NEK11: variants seen among roughly 807,000 people sequenced by gnomAD.
NEK11 encodes the protein NIMA related kinase 11, also known as serine/threonine-protein kinase Nek11.
A neutral mutation model predicts 80.7 loss-of-function variants in NEK11; 72 were observed. That is an observed-to-expected ratio of 0.89 (90% CI 0.74 to 1.08). NEK11 has a LOEUF of 1.08. Among genes scored for constraint, NEK11 ranks in the 50% least tolerant of loss-of-function variants. NEK11 has a pLI of 0.00. For synonymous variants in NEK11, 251 were observed against 260.7 expected, an observed-to-expected ratio of 0.96 and a Z score of 0.36; for missense variants, 764 against 763.6, an observed-to-expected ratio of 1.00 and a Z score of -0.01.
At chr3:131,234,463 T>A (rs752227775) in intron 15 of NEK11, among the ~76,000 whole-genome samples, 1 of 152,246 alleles carries the variant, frequency 6.6e-6, no homozygotes, top group Non-Finnish European at 1.5e-5. Context: ...CGATCATTTT[T>A]CCATTAGCAT....
intron 10 of NEK11, among the ~76,000 whole-genome samples, chr3:131,158,734 C>T (rs2149891294): frequency 6.6e-6 from 1 of 152,334 alleles, no homozygotes; most frequent in African/African-American, 2.4e-5. Context: ...GGGAGACAGG[C>T]ACCCTGACAC....
intron 5 of NEK11, among the ~76,000 whole-genome samples, chr3:131,122,326 T>C (rs2149478858): frequency 6.6e-6 from 1 of 152,332 alleles, no homozygotes; most frequent in South Asian, 2.1e-4. Context: ...CCTCACTTCT[T>C]GAGGATATCC....
chr3:131,226,412 A>T (rs918120115), intron 14 of NEK11, among the ~76,000 whole-genome samples: 4 of 152,134 alleles, frequency 2.6e-5, no homozygotes, highest in African/African-American at 9.7e-5. Context: ...AATTGCAAGG[A>T]TATGGAACCA....
chr3:131,221,742 G>A (rs2095033600), intron 14 of NEK11, among the ~76,000 whole-genome samples: 1 of 152,164 alleles, frequency 6.6e-6, no homozygotes, highest in South Asian at 2.1e-4. Context: ...AAGTGACAGG[G>A]AGTTTTTCAT....
At chr3:131,106,777 A>G (rs1427080660) in intron 4 of NEK11, among the ~76,000 whole-genome samples, 7 of 152,214 alleles carry the variant, frequency 4.6e-5, no homozygotes, top group Non-Finnish European at 8.8e-5. Context: ...ATAAAGAAAA[A>G]GAAATATGTT....
intron 17 of NEK11, among the ~76,000 whole-genome samples, chr3:131,301,184 A>T (rs1472690379): frequency 6.6e-6 from 1 of 152,054 alleles, no homozygotes; most frequent in Non-Finnish European, 1.5e-5. Context: ...CAGCTTGGAC[A>T]TTGATGGTTT....
Position 131,228,587 on chromosome 3 carries a change from T to G in NEK11, c.1459T>G (p.Cys487Gly), listed in dbSNP as rs758147932. 4 of 1,613,612 alleles carry G rather than the reference T, an allele frequency of 2.5e-6. No individual in the cohort carries two copies. The East Asian group carries it at 8.9e-5, about 36-fold the overall frequency. ...EYYADAFDSY[C>G]EESDEEEEEI... The stretch of plus-strand genomic sequence containing the variant: ...CTACGCTGATGCATTTGATTCCTAT[T>G]GTGAAGAGAGTGATGAGGAGGAAGA... Residue 487 changes from cysteine to glycine, a missense_variant, in exon 15 of 18, where the codon TGT becomes GGT. Physicochemically the swap from Cys to Gly is radical, Grantham distance 159. Coordinates refer to ENST00000383366, the MANE Select transcript of NEK11 (RefSeq NM_024800.5).
chr3:131,054,740 G>A (rs1334387021), intron 3 of NEK11, among the ~76,000 whole-genome samples: 3 of 147,854 alleles, frequency 2.0e-5, no homozygotes, highest in African/African-American at 7.5e-5. Context: ...CTGGGTGACA[G>A]CCTGCCTCTA....
intron 15 of NEK11, among the ~76,000 whole-genome samples, chr3:131,241,248 C>T (rs1434645353): frequency 6.6e-6 from 1 of 152,040 alleles, no homozygotes; most frequent in Non-Finnish European, 1.5e-5. Flanking sequence ...CCCAGTAATT[C>T]TATTTCTGAT....
chr3:131,330,161 A>G (rs571975767), intron 17 of NEK11: 1 of 152,314 alleles, frequency 6.6e-6, no homozygotes, highest in East Asian at 1.9e-4. Context: ...GAACTGGACT[A>G]CTAGAATGTG....
chr3:131,233,935 A>G (rs567407748), intron 15 of NEK11, among the ~76,000 whole-genome samples: 1 of 152,352 alleles, frequency 6.6e-6, no homozygotes, highest in Admixed American at 6.5e-5. Context: ...TTACATCTCC[A>G]AGACCACACA....
intron 17 of NEK11, among the ~76,000 whole-genome samples, chr3:131,340,218 G>A (rs1029420598): frequency 1.3e-5 from 2 of 152,206 alleles, no homozygotes; most frequent in African/African-American, 4.8e-5. Context: ...CACAAAGTAT[G>A]AGTGGGGGAC....
chr3:131,163,896 G>A (rs560038628), intron 11 of NEK11, among the ~76,000 whole-genome samples: 1 of 152,232 alleles, frequency 6.6e-6, no homozygotes, highest in South Asian at 2.1e-4. Context: ...TTTATGTGTT[G>A]GTAGGTTATC....
At chr3:131,154,513 G>T (rs2090295554) in intron 9 of NEK11, among the ~76,000 whole-genome samples, 7 of 152,206 alleles carry the variant, frequency 4.6e-5, no homozygotes, top group Admixed American at 4.6e-4. Flanking sequence ...GTGGAATTGT[G>T]CAAGTTCAGG....
chr3:131,048,288 G>A (rs1420985804), intron 3 of NEK11, among the ~76,000 whole-genome samples: 4 of 152,014 alleles, frequency 2.6e-5, no homozygotes, highest in African/African-American at 4.8e-5. Context: ...CTCCCTATTC[G>A]CCCCCTCCCC....
chr3:131,337,667 C>T (rs2097210103), intron 17 of NEK11, among the ~76,000 whole-genome samples: 2 of 151,436 alleles, frequency 1.3e-5, no homozygotes, highest in South Asian at 2.1e-4. Context: ...AAATAAAAAT[C>T]AGCTTAGAAA....
chr3:131,069,356 A>G (rs1025676617), intron 3 of NEK11, among the ~76,000 whole-genome samples: 1 of 152,080 alleles, frequency 6.6e-6, no homozygotes, highest in Non-Finnish European at 1.5e-5. Context: ...TTTTTCTGTA[A>G]TATTCAAAAT....
intron 3 of NEK11, among the ~76,000 whole-genome samples, chr3:131,052,428 G>A (rs373539619): frequency 6.6e-6 from 1 of 152,116 alleles, no homozygotes; most frequent in Non-Finnish European, 1.5e-5. Context: ...TTTCAGAAAT[G>A]TGCTGTTTTT....
chr3:131,164,386 T>C (rs944787133), intron 11 of NEK11, among the ~76,000 whole-genome samples: 9 of 152,184 alleles, frequency 5.9e-5, no homozygotes, highest in Admixed American at 5.2e-4. Flanking sequence ...CACTATGACA[T>C]TGAGTGTGAG....
Sources: gnomAD v4.1 joint callset for allele counts (sites outside exome capture counted in the v4.1 genomes callset) on GRCh38, gnomAD v4.1.1 for gene constraint, MANE v1.5 for transcripts, NCBI Gene and HGNC (gene_info 2026-07-23, HGNC 2026-07-21) for gene names.